KCNA1: variants seen among roughly 807,000 people sequenced by gnomAD.
The protein encoded by KCNA1 is potassium voltage-gated channel subfamily A member 1, also known as potassium channel, voltage gated shaker related subfamily A, member 1.
In KCNA1, 19 loss-of-function variants were observed where a neutral mutation model predicts 28.8. That is an observed-to-expected ratio of 0.66 (90% CI 0.46 to 0.97). KCNA1 has a LOEUF of 0.97. KCNA1 is among the 50% of genes least tolerant of loss of function. KCNA1 has a pLI of 0.00. For synonymous variants in KCNA1, 311 were observed against 268.8 expected (o/e 1.16, Z -1.53); for missense variants, 419 against 659.7 (o/e 0.64, Z 4.00).
In KCNA1 at chr12:4,911,036, C is replaced by T. The variant is rs1001780454; in HGVS notation, c.-343C>T. 5.6e-5 allele frequency: 20 copies of T among 359,734 alleles called. No homozygotes were observed. Among genetic ancestry groups the T allele is most frequent in the Non-Finnish European group, 9.3e-5 (18 of 193,370 alleles). 22.3% of individuals were successfully genotyped at this position (359,734 alleles called of 1,614,324 possible). A position where few individuals can be genotyped will look rare whatever the true frequency, so the allele number is the denominator to read the frequency against. ...GAAGCAATGGCCCAGTCCGCTAGAACGGCACTGCGTTAAGGCACCTGGGAT... is the reference window on the plus strand; with the variant it reads ...GAAGCAATGGCCCAGTCCGCTAGAATGGCACTGCGTTAAGGCACCTGGGAT... On this transcript the variant is annotated 5_prime_UTR_variant, in exon 2 of 2. It adds an upstream start codon to the 5' untranslated region. Coordinates refer to ENST00000382545, the MANE Select transcript of KCNA1 (RefSeq NM_000217.3). The surrounding 1 kb of genome is among the most constrained non-coding windows in gnomAD (Gnocchi z 6.6).
rs1449057648 is a variant in KCNA1 at position 4,917,861 on chromosome 12, G to A, written c.*4995G>A. On this transcript the variant is annotated 3_prime_UTR_variant, in exon 2 of 2. Transcript: ENST00000382545. ...AGCGCACTGTTTTGGGACTGTTTATGCAGCAGATGTAAGTAGACAACATGG... is the reference window on the plus strand; with the variant it reads ...AGCGCACTGTTTTGGGACTGTTTATACAGCAGATGTAAGTAGACAACATGG... 6.0e-6 allele frequency: 1 copy of A among 167,012 alleles called. No individual in the cohort carries two copies. Among genetic ancestry groups the A allele is most frequent in the Non-Finnish European group, 1.5e-5 (1 of 68,112 alleles). The allele number at this position is 167,012 out of a possible 1,614,324, so 10.3% of individuals were successfully genotyped here.
rs1049582103 is a variant in KCNA1 at position 4,917,049 on chromosome 12, C to T, written c.*4183C>T. 1.2e-5 allele frequency: 2 copies of T among 167,074 alleles called. No homozygotes were observed. Among genetic ancestry groups the T allele is most frequent in the African/African-American group, 4.8e-5 (2 of 41,452 alleles). The allele number at this position is 167,074 out of a possible 1,614,324, so 10.3% of individuals were successfully genotyped here. On this transcript the variant is annotated 3_prime_UTR_variant, in exon 2 of 2. Coordinates refer to ENST00000382545, the MANE Select transcript of KCNA1 (RefSeq NM_000217.3). Reference sequence around the variant, plus strand: ...TTAGCAGAAGGCACTTTCCCATTTTCTTCCAGGAATGACTTATTCCTGGGG... The same window carrying T: ...TTAGCAGAAGGCACTTTCCCATTTTTTTCCAGGAATGACTTATTCCTGGGG...
rs1002176215 is a variant in KCNA1 at position 4,917,488 on chromosome 12, G to A, written c.*4622G>A. 1 of 167,052 alleles carries A rather than the reference G, an allele frequency of 6.0e-6. No individual in the cohort carries two copies. Among genetic ancestry groups the A allele is most frequent in the African/African-American group, 2.4e-5 (1 of 41,446 alleles). 10.3% of individuals were successfully genotyped at this position (167,052 alleles called of 1,614,324 possible). On this transcript the variant is annotated 3_prime_UTR_variant, in exon 2 of 2. Coordinates refer to ENST00000382545, the MANE Select transcript of KCNA1 (RefSeq NM_000217.3). ...AACTAATTCAGGGTACAGATATAAA[G>A]TTTAGAAGCCTTGGGATTAAATGCC...
Position 4,911,462 on chromosome 12 carries a change from C to T in KCNA1, c.84C>T (p.Ala28=), listed in dbSNP as rs748174897. The change falls in exon 2 of 2, where the codon GCC becomes GCT. Residue 28 remains alanine (A), a synonymous_variant. Transcript: ENST00000382545. The surrounding 1 kb of genome is among the most constrained non-coding windows in gnomAD (Gnocchi z 6.6). ...HPQDGSYPRQ[A]DHDDHECCER... ...AGGATGGCAGCTACCCCCGGCAGGC[C>T]GACCACGACGACCACGAGTGCTGCG... is the stretch of plus-strand genomic sequence containing the variant. 1.2e-6 allele frequency: 2 copies of T among 1,613,950 alleles called. No homozygotes were observed. Among genetic ancestry groups the T allele is most frequent in the East Asian group, 2.2e-5 (1 of 44,872 alleles).
At position 4,916,580 on chromosome 12, in the gene KCNA1, G is replaced by A. The variant is rs1460276057; in HGVS notation, c.*3714G>A. 6.0e-6 allele frequency: 1 copy of A among 167,088 alleles called. No homozygotes were observed. The highest frequency in any genetic ancestry group is 2.4e-5 in the African/African-American group (1 of 41,438). The allele number at this position is 167,088 out of a possible 1,614,324, so 10.4% of individuals were successfully genotyped here. On this transcript the variant is annotated 3_prime_UTR_variant, in exon 2 of 2. Transcript: ENST00000382545. The stretch of plus-strand genomic sequence containing the variant: ...CTGGAGACTTGAGTTCTGATTTTCA[G>A]TTATATCAGCTCATTGGGAGTGTGT...
In KCNA1 at chr12:4,910,017, C is replaced by G. The variant is rs1437276941; in HGVS notation, c.-995C>G. 2.0e-5 allele frequency: 3 copies of G among 152,732 alleles called. No homozygotes were observed. The highest frequency in any genetic ancestry group is 7.2e-5 in the African/African-American group (3 of 41,454). 9.5% of individuals were successfully genotyped at this position (152,732 alleles called of 1,614,324 possible). On this transcript the variant is annotated 5_prime_UTR_variant, in exon 1 of 2. Transcript: ENST00000382545. The surrounding 1 kb of genome is among the most constrained non-coding windows in gnomAD (Gnocchi z 4.9). ...GAGGTCCGCGCTGGGGTGCGGAGAG[C>G]GAAGGGAACTGGAGAGCCATGTAGA...
In KCNA1 at chr12:4,912,086, G is replaced by T. The variant is rs1337655462; in HGVS notation, c.708G>T (p.Leu236=). The change falls in exon 2 of 2, where the codon CTG becomes CTT. Residue 236 remains leucine, a synonymous_variant. Coordinates refer to ENST00000382545, the MANE Select transcript of KCNA1 (RefSeq NM_000217.3). ...TLCIIWFSFE[L]VVRFFACPSK... is the part of the protein sequence containing the mutation. ...GTATCATCTGGTTCTCCTTCGAGCT[G>T]GTGGTGCGCTTCTTCGCCTGCCCCA... is the stretch of plus-strand genomic sequence containing the variant. 2 of 1,613,980 alleles carry T rather than the reference G, an allele frequency of 1.2e-6. No homozygotes were observed. Among genetic ancestry groups the T allele is most frequent in the Non-Finnish European group, 1.7e-6 (2 of 1,180,018 alleles).
In KCNA1 at chr12:4,916,784, G is replaced by A. The variant is rs1197351860; in HGVS notation, c.*3918G>A. 6.0e-6 allele frequency: 1 copy of A among 166,988 alleles called. No homozygotes were observed. Among genetic ancestry groups the A allele is most frequent in the Non-Finnish European group, 1.5e-5 (1 of 68,114 alleles). The allele number at this position is 166,988 out of a possible 1,614,324, so 10.3% of individuals were successfully genotyped here. On this transcript the variant is annotated 3_prime_UTR_variant, in exon 2 of 2. Transcript: ENST00000382545. ...TTGCTTGAGAATTAAAAAAATACAT[G>A]TAAATGGTAAATGAGGAATACATTT...
In KCNA1 at chr12:4,912,264, T is replaced by C. The variant is rs1343706515; in HGVS notation, c.886T>C (p.Leu296=). Residue 296 remains leucine, a synonymous_variant, in exon 2 of 2, where the codon TTG becomes CTG. Coordinates refer to ENST00000382545, the MANE Select transcript of KCNA1 (RefSeq NM_000217.3). ...TSLAILRVIR[L]VRVFRIFKLS... is the part of the protein sequence containing the mutation. The stretch of plus-strand genomic sequence containing the variant: ...CCTGGCCATCCTCAGGGTCATCCGC[T>C]TGGTAAGGGTTTTTAGAATCTTCAA... The C allele has an allele frequency of 6.2e-7, 1 of 1,610,776 alleles. No homozygotes were observed. Among genetic ancestry groups the C allele is most frequent in the Non-Finnish European group, 8.5e-7 (1 of 1,179,520 alleles).
rs1490975878 is a variant in KCNA1 at position 4,912,626 on chromosome 12, C to T, written c.1248C>T (p.His416=). The T allele has an allele frequency of 6.2e-7, 1 of 1,613,630 alleles. No individual in the cohort carries two copies. Among genetic ancestry groups the T allele is most frequent in the African/African-American group, 1.3e-5 (1 of 74,866 alleles). ...VIVSNFNYFY[H]RETEGEEQAQ... ...TGTCCAATTTCAACTATTTCTACCA[C>T]CGAGAAACTGAGGGGGAAGAGCAGG... The change falls in exon 2 of 2, where the codon CAC becomes CAT. Residue 416 remains histidine, a synonymous_variant. Transcript: ENST00000382545.
rs970664115 is a variant in KCNA1 at position 4,913,507 on chromosome 12, C to A, written c.*641C>A. ...TGGTCCTGATCTGTAGGGATTTCCC[C>A]CTGGGCCCATTCTCTTTCTAATCCA... is the stretch of plus-strand genomic sequence containing the variant. On this transcript the variant is annotated 3_prime_UTR_variant, in exon 2 of 2. Transcript: ENST00000382545. 2 of 167,620 alleles carry A rather than the reference C, an allele frequency of 1.2e-5. No individual in the cohort carries two copies. The highest frequency in any genetic ancestry group is 1.9e-4 in the East Asian group (1 of 5,214). 10.4% of individuals were successfully genotyped at this position (167,620 alleles called of 1,614,324 possible).
At position 4,910,521 on chromosome 12, in the gene KCNA1, C is replaced by A. The variant is rs1338109345; in HGVS notation, c.-540+49C>A. ...ATGCAGAAGCGGGGGTTGGGGGGAC[C>A]GGGTGGGGGAGGCCGGGGGTGCGGG... On this transcript the variant is annotated intron_variant, in intron 1 of 1. Transcript: ENST00000382545. This position sits in a 1 kb window ranked among gnomAD's most constrained non-coding sequence, Gnocchi z 4.9. 1 of 135,722 alleles carries A rather than the reference C, an allele frequency of 7.4e-6. No homozygotes were observed. Among genetic ancestry groups the A allele is most frequent in the Non-Finnish European group, 1.6e-5 (1 of 61,534 alleles). The allele number at this position is 135,722 out of a possible 1,614,324, so 8.4% of individuals were successfully genotyped here. A position where few individuals can be genotyped will look rare whatever the true frequency, so the allele number is the denominator to read the frequency against.
rs1042288043 is a variant in KCNA1, at chr12:4,914,416, T to G, written c.*1550T>G. On this transcript the variant is annotated 3_prime_UTR_variant, in exon 2 of 2. Transcript: ENST00000382545. ...TTATATGCATCCGAAGCAGAGCTGA[T>G]TTTTTTTTCTTTGCAGTCATTCTTT... 1 of 166,494 alleles carries G rather than the reference T, an allele frequency of 6.0e-6. No homozygotes were observed. The highest frequency in any genetic ancestry group is 2.4e-5 in the African/African-American group (1 of 41,366). The allele number at this position is 166,494 out of a possible 1,614,324, so 10.3% of individuals were successfully genotyped here.
In KCNA1 at chr12:4,912,948, T is replaced by A; in HGVS notation, c.*82T>A. 1 of 925,848 alleles carries A rather than the reference T, an allele frequency of 1.1e-6. No individual in the cohort carries two copies. Among genetic ancestry groups the A allele is most frequent in the Non-Finnish European group, 1.8e-6 (1 of 553,840 alleles). 57.4% of individuals were successfully genotyped at this position (925,848 alleles called of 1,614,324 possible). On this transcript the variant is annotated 3_prime_UTR_variant, in exon 2 of 2. Coordinates refer to ENST00000382545, the MANE Select transcript of KCNA1 (RefSeq NM_000217.3). ...ACAAAACAGAAAACCTAGTGACTCA[T>A]GTCACGCTTTGTAGATACTTTACTA...
At position 4,913,448 on chromosome 12, in the gene KCNA1, G is replaced by C. The variant is rs1051403768; in HGVS notation, c.*582G>C. 1.7e-5 allele frequency: 3 copies of C among 171,658 alleles called. No homozygotes were observed. The highest frequency in any genetic ancestry group is 6.3e-5 in the Admixed American group (1 of 15,928). The allele number at this position is 171,658 out of a possible 1,614,324, so 10.6% of individuals were successfully genotyped here. ...AAAAAAGAAAACTCCGATTACTTAA[G>C]ACTGGTTCACAAAGCACCTTATAAA... On this transcript the variant is annotated 3_prime_UTR_variant, in exon 2 of 2. Transcript: ENST00000382545.
At position 4,911,698 on chromosome 12, in the gene KCNA1, A is replaced by C; in HGVS notation, c.320A>C (p.Asn107Thr). The C allele has an allele frequency of 1.2e-6, 2 of 1,614,174 alleles. No homozygotes were observed. The highest frequency in any genetic ancestry group is 1.7e-6 in the Non-Finnish European group (2 of 1,180,028). ...GGCGGCCGCCTGCGGAGGCCGGTCA[A>C]CGTGCCCCTGGACATGTTCTCCGAG... ...QSGGRLRRPV[N>T]VPLDMFSEEI... is the part of the protein sequence containing the mutation. The change falls in exon 2 of 2, where the codon AAC becomes ACC. Residue 107 changes from asparagine (N) to threonine (T), a missense_variant. This residue lies in a region of KCNA1 where 217 missense variants were observed against 329.6 expected (regional missense o/e 0.66). Coordinates refer to ENST00000382545, the MANE Select transcript of KCNA1 (RefSeq NM_000217.3). The surrounding 1 kb of genome is among the most constrained non-coding windows in gnomAD (Gnocchi z 6.6).
Position 4,914,916 on chromosome 12 carries a change from C to T in KCNA1, c.*2050C>T, listed in dbSNP as rs1947375422. 6.0e-6 allele frequency: 1 copy of T among 167,130 alleles called. No individual in the cohort carries two copies. The highest frequency in any genetic ancestry group is 2.4e-5 in the African/African-American group (1 of 41,456). The allele number at this position is 167,130 out of a possible 1,614,324, so 10.4% of individuals were successfully genotyped here. On this transcript the variant is annotated 3_prime_UTR_variant, in exon 2 of 2. Coordinates refer to ENST00000382545, the MANE Select transcript of KCNA1 (RefSeq NM_000217.3). ...CTTCCTCAGGTCCAGTGTAGTGCTC[C>T]TGGCACCTTTCCTTATTTTTTTCTC...
Position 4,912,963 on chromosome 12 carries a change from A to T in KCNA1, c.*97A>T. 1.2e-6 allele frequency: 1 copy of T among 859,682 alleles called. No individual in the cohort carries two copies. The highest frequency in any genetic ancestry group is 2.0e-6 in the Non-Finnish European group (1 of 496,846). 53.3% of individuals were successfully genotyped at this position (859,682 alleles called of 1,614,324 possible). A position where few individuals can be genotyped will look rare whatever the true frequency, so the allele number is the denominator to read the frequency against. On this transcript the variant is annotated 3_prime_UTR_variant, in exon 2 of 2. Coordinates refer to ENST00000382545, the MANE Select transcript of KCNA1 (RefSeq NM_000217.3). ...TAGTGACTCATGTCACGCTTTGTAGATACTTTACTAAGTAGACTTGGAATG... is the reference window on the plus strand; with the variant it reads ...TAGTGACTCATGTCACGCTTTGTAGTTACTTTACTAAGTAGACTTGGAATG...
rs1591627185 is a variant in KCNA1, at chr12:4,911,129, G to A, written c.-250G>A. The A allele has an allele frequency of 6.8e-6, 4 of 591,324 alleles. No individual in the cohort carries two copies. The highest frequency in any genetic ancestry group is 5.6e-5 in the East Asian group (2 of 35,546). The allele number at this position is 591,324 out of a possible 1,614,324, so 36.6% of individuals were successfully genotyped here. ...CCCCCAAACCCAAACCCAACCCTCT[G>A]CAAAAAGCTGCACCCGGCCCGCAGG... On this transcript the variant is annotated 5_prime_UTR_variant, in exon 2 of 2. Transcript: ENST00000382545. This position sits in a 1 kb window ranked among gnomAD's most constrained non-coding sequence, Gnocchi z 6.6.
Sources: allele counts gnomAD v4.1 joint callset, GRCh38; gene constraint gnomAD v4.1.1; regional missense constraint gnomAD v4.1.1; non-coding constraint Gnocchi (gnomAD v3.1); transcripts MANE v1.5; gene names NCBI Gene and HGNC (gene_info 2026-07-23, HGNC 2026-07-21).